BRI3BP: variants seen among roughly 807,000 people sequenced by gnomAD.
BRI3BP encodes the protein BRI3-binding protein.
BRI3BP carries 7 observed loss-of-function variants against 15.8 expected under a neutral mutation model. That is an observed-to-expected ratio of 0.44 (90% CI 0.25 to 0.83). BRI3BP has a LOEUF of 0.83. Ranked by LOEUF, BRI3BP falls within the 40% of genes least tolerant of loss-of-function variation. The pLI, the probability that BRI3BP is intolerant of heterozygous loss-of-function variation, is 0.20. For missense variants in BRI3BP, 320 were observed against 339.3 expected (o/e 0.94, Z 0.45); for synonymous variants, 192 against 163.5 (o/e 1.17, Z -1.33).
intron 1 of BRI3BP, among the ~76,000 whole-genome samples, chr12:125,004,078 C>T (rs1451400164): frequency 6.6e-6 from 1 of 152,088 alleles, no homozygotes; most frequent in African/African-American, 2.4e-5. Flanking sequence ...ATTTCCCTGG[C>T]CCAAAATGTC....
chr12:125,004,550 A>G, intron 1 of BRI3BP, among the ~76,000 whole-genome samples: 1 of 152,220 alleles, frequency 6.6e-6, no homozygotes, highest in East Asian at 1.9e-4. Flanking sequence ...TTAGAGTTAT[A>G]GAAAAATTGT....
rs1168764836 is a variant in BRI3BP, at chr12:125,025,577, G to A, written c.*147G>A. On this transcript the variant is annotated 3_prime_UTR_variant, in exon 3 of 3. Coordinates refer to ENST00000341446, the MANE Select transcript of BRI3BP (RefSeq NM_080626.6). ...TGTGTAGGGCTATTTCCACCCACCC[G>A]GCAGCTCTTAGGACACATTCCCAGA... is the stretch of plus-strand genomic sequence containing the variant. 8.7e-6 allele frequency: 7 copies of A among 807,184 alleles called. No individual in the cohort carries two copies. Among genetic ancestry groups the A allele is most frequent in the Non-Finnish European group, 1.3e-5 (7 of 532,136 alleles). 50.0% of individuals were successfully genotyped at this position (807,184 alleles called of 1,614,324 possible).
intron 1 of BRI3BP, among the ~76,000 whole-genome samples, chr12:125,003,956 A>ACACACACACAC (rs1955118800): frequency 2.6e-5 from 1 of 38,154 alleles, no homozygotes; most frequent in Non-Finnish European, 4.0e-5. Flanking sequence ...CCATCTCAAA[A>ACACACACACAC]ACACACACAC....
chr12:125,003,183 G>A (rs1258956419), intron 1 of BRI3BP, among the ~76,000 whole-genome samples: 2 of 152,196 alleles, frequency 1.3e-5, no homozygotes, highest in African/African-American at 2.4e-5. Context: ...CATAGGACCC[G>A]TTTGCATGTG....
chr12:125,011,056 T>TG lies in BRI3BP; in HGVS notation c.214-1477dup, dbSNP rs530478566. Reference sequence around the variant, plus strand: ...CTGCAGTGAGCCGAGATCATACCACTGCACTCCAGCCGGAGTGACAGAGCG... The same window carrying TG: ...CTGCAGTGAGCCGAGATCATACCACTGGCACTCCAGCCGGAGTGACAGAGCG... On this transcript the variant is annotated intron_variant, in intron 1 of 2. Transcript: ENST00000341446. Among the ~76,000 whole-genome samples the TG allele has an allele frequency of 1.8e-3, 245 of 139,962 alleles. 1 individual carries two copies. The highest frequency in any genetic ancestry group is 3.9e-3 in the Middle Eastern group (1 of 258). The allele number at this position is 139,962 out of a possible 152,430, so 91.8% of individuals were successfully genotyped here.
rs1294516721 is a variant in BRI3BP at position 125,030,494 on chromosome 12, A to G, written c.*5064A>G. 6.6e-6 allele frequency: 1 copy of G among 152,224 alleles called. No homozygotes were observed. The highest frequency in any genetic ancestry group is 2.4e-5 in the African/African-American group (1 of 41,458). 9.4% of individuals were successfully genotyped at this position (152,224 alleles called of 1,614,324 possible). ...CTGGTGTAAACAAATTTTATTCAGC[A>G]TATTAAATTATTCTGTGTTTTGCTT... is the stretch of plus-strand genomic sequence containing the variant. On this transcript the variant is annotated 3_prime_UTR_variant, in exon 3 of 3. Transcript: ENST00000341446.
At chr12:125,016,854 A>ATTTTTTTTTTTTTTTTTTTT (rs1955250105) in intron 2 of BRI3BP, among the ~76,000 whole-genome samples, 1 of 32,412 alleles carries the variant, frequency 3.1e-5, no homozygotes, top group Admixed American at 5.1e-4. Context: ...TTTTTTTTTG[A>ATTTTTTTTTTTTTTTTTTTT]GACAGAGTCT....
At chr12:125,022,541 A>ATTTTTATTTTTTTTT in intron 2 of BRI3BP, among the ~76,000 whole-genome samples, 1 of 139,432 alleles carries the variant, frequency 7.2e-6, no homozygotes, top group South Asian at 2.2e-4. Context: ...TTATTTATTT[A>ATTTTTATTTTTTTTT]TTTTTTGAGA....
the BRI3BP span, among the ~76,000 whole-genome samples, chr12:125,049,627 G>A: frequency 5.9e-5 from 9 of 152,164 alleles, no homozygotes; most frequent in African/African-American, 1.9e-4. Context: ...GGGTGACTCC[G>A]CCCCATTGCT....
Position 125,025,305 on chromosome 12 carries a change from G to T in BRI3BP, c.631G>T (p.Gly211Cys). The T allele has an allele frequency of 6.2e-7, 1 of 1,605,718 alleles. No homozygotes were observed. The change falls in exon 3 of 3, where the codon GGC becomes TGC. Residue 211 changes from glycine (G) to cysteine (C), a missense_variant. Coordinates refer to ENST00000341446, the MANE Select transcript of BRI3BP (RefSeq NM_080626.6). ...MGFYWRSSPS[G>C]PSNPSNPSVE... The stretch of plus-strand genomic sequence containing the variant: ...CTTCTACTGGCGAAGCAGTCCCAGC[G>T]GCCCCAGCAACCCCAGCAACCCCAG...
At chr12:125,009,014 T>A (rs997187495) in intron 1 of BRI3BP, among the ~76,000 whole-genome samples, 3 of 151,838 alleles carry the variant, frequency 2.0e-5, no homozygotes, top group Non-Finnish European at 4.4e-5. Flanking sequence ...CTCGCTCTGT[T>A]GCCCAGGTTG....
Position 124,993,696 on chromosome 12 carries a change from C to T in BRI3BP, c.-95C>T, listed in dbSNP as rs1409658488. The T allele has an allele frequency of 2.9e-6, 2 of 678,566 alleles. No homozygotes were observed. Among genetic ancestry groups the T allele is most frequent in the Non-Finnish European group, 1.8e-6 (1 of 551,736 alleles). The allele number at this position is 678,566 out of a possible 1,614,324, so 42.0% of individuals were successfully genotyped here. Reference sequence around the variant, plus strand: ...TGTGGGTAAAGGCGCGGCGCGCGGCCCCCGAGCGCGCCAACCTTGCCCTAG... The same window carrying T: ...TGTGGGTAAAGGCGCGGCGCGCGGCTCCCGAGCGCGCCAACCTTGCCCTAG... On this transcript the variant is annotated 5_prime_UTR_variant, in exon 1 of 3. Coordinates refer to ENST00000341446, the MANE Select transcript of BRI3BP (RefSeq NM_080626.6).
Position 125,026,638 on chromosome 12 carries a change from T to C in BRI3BP, c.*1208T>C, listed in dbSNP as rs67625612. ...AGGGGCTGGTAGAAACCCCCTTTTG[T>C]TAGGACTTGTTTTTTAAAAAAGAAA... On this transcript the variant is annotated 3_prime_UTR_variant, in exon 3 of 3. Coordinates refer to ENST00000341446, the MANE Select transcript of BRI3BP (RefSeq NM_080626.6). 15,956 of 151,976 alleles carry C rather than the reference T, an allele frequency of 0.1. 1,716 individuals are homozygous for C. The highest frequency in any genetic ancestry group is 0.27 in the African/African-American group (11,267 of 41,372). The allele number at this position is 151,976 out of a possible 1,614,324, so 9.4% of individuals were successfully genotyped here. A position where few individuals can be genotyped will look rare whatever the true frequency, so the allele number is the denominator to read the frequency against.
In BRI3BP at chr12:125,029,562, ATATATG is replaced by A. The variant is rs906602756; in HGVS notation, c.*4138_*4143del. The stretch of plus-strand genomic sequence containing the variant: ...AAAAAAAAAGTGTGTGTGTGTGTAT[ATATATG>A]TATATATATATACACACACACACAC... On this transcript the variant is annotated 3_prime_UTR_variant, in exon 3 of 3. Coordinates refer to ENST00000341446, the MANE Select transcript of BRI3BP (RefSeq NM_080626.6). 7.0e-6 allele frequency: 1 copy of A among 142,332 alleles called. No homozygotes were observed. Among genetic ancestry groups the A allele is most frequent in the African/African-American group, 2.9e-5 (1 of 34,520 alleles). 8.8% of individuals were successfully genotyped at this position (142,332 alleles called of 1,614,324 possible).
downstream of BRI3BP, among the ~76,000 whole-genome samples, chr12:125,035,766 T>C (rs773486569): frequency 3.3e-5 from 5 of 152,182 alleles, no homozygotes; most frequent in Admixed American, 6.6e-5. Context: ...CTGTCAGGTG[T>C]GGTCTTAACT....
At chr12:125,019,655 TTTGCC>T (rs1312495199) in intron 2 of BRI3BP, among the ~76,000 whole-genome samples, 1,162 of 29,020 alleles carry the variant, frequency 0.04, 120 homozygotes, top group South Asian at 0.13. Context: ...TTTTTTTTTT[TTTGCC>T]TTTTTTGCTG....
At chr12:125,003,046 C>T (rs1465466570) in intron 1 of BRI3BP, among the ~76,000 whole-genome samples, 1 of 152,176 alleles carries the variant, frequency 6.6e-6, no homozygotes, top group African/African-American at 2.4e-5. Flanking sequence ...CAGCATTTTC[C>T]GTTCATCTGG....
At chr12:125,002,595 TA>T (rs1159755198) in intron 1 of BRI3BP, among the ~76,000 whole-genome samples, 1 of 152,118 alleles carries the variant, frequency 6.6e-6, no homozygotes, top group African/African-American at 2.4e-5. Context: ...TAGCTGGGAC[TA>T]CAGGCACCCG....
At position 124,993,899 on chromosome 12, in the gene BRI3BP, G is replaced by A; in HGVS notation, c.109G>A (p.Gly37Ser). 1.6e-6 allele frequency: 2 copies of A among 1,270,038 alleles called. No homozygotes were observed. The highest frequency in any genetic ancestry group is 2.0e-6 in the Non-Finnish European group (2 of 1,000,654). The allele number at this position is 1,270,038 out of a possible 1,614,324, so 78.7% of individuals were successfully genotyped here. A position where few individuals can be genotyped will look rare whatever the true frequency, so the allele number is the denominator to read the frequency against. ...GGCCCCGGGCGCGCAGGGGGCGCGG[G>A]GCCGCGGCGGCGCGGAGAAGAACAG... ...LLAPGAQGAR[G>S]RGGAEKNSYR... The change falls in exon 1 of 3, where the codon GGC becomes AGC. Residue 37 changes from glycine (G) to serine (S), a missense_variant. Gly to Ser is a moderately conservative substitution (Grantham distance 56). Coordinates refer to ENST00000341446, the MANE Select transcript of BRI3BP (RefSeq NM_080626.6).
Sources: gnomAD v4.1 joint callset for allele counts (sites outside exome capture counted in the v4.1 genomes callset) on GRCh38, gnomAD v4.1.1 for gene constraint, MANE v1.5 for transcripts, NCBI Gene and HGNC (gene_info 2026-07-23, HGNC 2026-07-21) for gene names.